The following GRIN2B variants were observed in gnomAD, a reference collection of about 807,000 sequenced individuals.
GRIN2B encodes the protein glutamate receptor ionotropic, NMDA 2B.
A neutral mutation model predicts 114.5 loss-of-function variants in GRIN2B; 5 were observed. The ratio of observed to expected loss-of-function variants is 0.04; its 90% confidence interval spans 0.02 to 0.09. The LOEUF is 0.09. Ranked by LOEUF, GRIN2B falls within the 10% of genes least tolerant of loss-of-function variation. GRIN2B has a pLI of 1.00. For synonymous variants in GRIN2B, 787 were observed against 745.1 expected, an observed-to-expected ratio of 1.06 and a Z score of -0.92; for missense variants, 1,108 against 1,943.5, an observed-to-expected ratio of 0.57 and a Z score of 8.08.
chr12:13,586,986 C>T (rs1304318232), intron 10 of GRIN2B, among the ~76,000 whole-genome samples: 2 of 152,150 alleles, frequency 1.3e-5, no homozygotes, highest in Non-Finnish European at 2.9e-5. Flanking sequence ...GTACGAGACC[C>T]TATTTTAATT....
intron 4 of GRIN2B, among the ~76,000 whole-genome samples, chr12:13,681,389 T>A (rs1376061554): frequency 6.6e-6 from 1 of 152,162 alleles, no homozygotes; most frequent in Admixed American, 6.5e-5. Context: ...GCCACCATGC[T>A]TTTAAAAAGT....
At position 13,978,630 on chromosome 12, in the gene GRIN2B, C is replaced by G. The variant is rs78399804; in HGVS notation, c.-19+1298G>C. Among the ~76,000 whole-genome samples, 457 of 152,286 alleles carry G rather than the reference C, an allele frequency of 3.0e-3. 1 individual carries two copies. The highest frequency in any genetic ancestry group is 0.011 in the African/African-American group (445 of 41,558). On this transcript the variant is annotated intron_variant, in intron 2 of 13. Transcript: ENST00000609686. ...TGTGTGTGTTGGGGTGGTGGTAATA[C>G]TTTTAGGAAAAATAATGATGCTAAT...
chr12:13,795,782 G>A (rs982006011), intron 3 of GRIN2B, among the ~76,000 whole-genome samples: 10 of 152,176 alleles, frequency 6.6e-5, no homozygotes, highest in African/African-American at 2.4e-4. Flanking sequence ...GTCCTTTGTA[G>A]GGACATGGAT....
chr12:13,926,966 A>AG (rs1866929087), intron 2 of GRIN2B, among the ~76,000 whole-genome samples: 1 of 151,594 alleles, frequency 6.6e-6, no homozygotes, highest in Non-Finnish European at 1.5e-5. Context: ...AAAAGAAAAA[A>AG]AAAAAAAGAC....
At chr12:13,825,795 G>T (rs1865025305) in intron 3 of GRIN2B, among the ~76,000 whole-genome samples, 1 of 151,838 alleles carries the variant, frequency 6.6e-6, no homozygotes, top group African/African-American at 2.4e-5. Flanking sequence ...GGAATTACAG[G>T]CATGAGCCAC....
chr12:13,600,454 C>G (rs1368414312), intron 10 of GRIN2B, among the ~76,000 whole-genome samples: 1 of 151,942 alleles, frequency 6.6e-6, no homozygotes, highest in Non-Finnish European at 1.5e-5. Flanking sequence ...ATCCAGTTAT[C>G]TTGGTACCTT....
At chr12:13,660,735 A>T (rs1296248500) in intron 5 of GRIN2B, among the ~76,000 whole-genome samples, 2 of 152,148 alleles carry the variant, frequency 1.3e-5, no homozygotes, top group African/African-American at 4.8e-5. Context: ...GAGACTAAGC[A>T]CTTCCTTTGC....
At chr12:13,800,421 C>T (rs1003034173) in intron 3 of GRIN2B, among the ~76,000 whole-genome samples, 9 of 152,186 alleles carry the variant, frequency 5.9e-5, no homozygotes, top group African/African-American at 2.2e-4. Context: ...GTTTAACTGA[C>T]ATTATCCAAA....
intron 3 of GRIN2B, among the ~76,000 whole-genome samples, chr12:13,771,458 A>G (rs991057850): frequency 5.9e-5 from 9 of 152,210 alleles, no homozygotes; most frequent in Non-Finnish European, 1.2e-4. Context: ...TAATTTCAAA[A>G]CAGAGCAGAA....
At chr12:13,719,700 A>T (rs2268119) in intron 4 of GRIN2B, among the ~76,000 whole-genome samples, 32,470 of 152,028 alleles carry the variant, frequency 0.21, 3,856 homozygotes, top group East Asian at 0.49. Flanking sequence ...CTTTACATTG[A>T]GTCTGTTTCA....
At chr12:13,777,768 T>C (rs1864030890) in intron 3 of GRIN2B, among the ~76,000 whole-genome samples, 1 of 152,180 alleles carries the variant, frequency 6.6e-6, no homozygotes, top group Admixed American at 6.5e-5. Flanking sequence ...TGCTAAGTAT[T>C]TGCCTGCAGC....
chr12:13,730,837 G>A (rs748100883), intron 4 of GRIN2B, among the ~76,000 whole-genome samples: 7 of 152,102 alleles, frequency 4.6e-5, no homozygotes, highest in Admixed American at 3.3e-4. Flanking sequence ...GAAATAAAAG[G>A]TAAGGTTGGC....
rs907195852 is a variant in GRIN2B, at chr12:13,546,486, C to T, written c.*16297G>A. 1 of 152,190 alleles carries T rather than the reference C, an allele frequency of 6.6e-6. No homozygotes were observed. The highest frequency in any genetic ancestry group is 2.4e-5 in the African/African-American group (1 of 41,440). The allele number at this position is 152,190 out of a possible 1,614,324, so 9.4% of individuals were successfully genotyped here. A position where few individuals can be genotyped will look rare whatever the true frequency, so the allele number is the denominator to read the frequency against. ...CAGAGCATCTGGATGTGGGTGTCAT[C>T]GTCTCTTCACCACCAAACCATTCTA... On this transcript the variant is annotated 3_prime_UTR_variant, in exon 14 of 14. Transcript: ENST00000609686.
intron 3 of GRIN2B, among the ~76,000 whole-genome samples, chr12:13,768,627 C>A (rs947893291): frequency 3.9e-5 from 6 of 152,374 alleles, no homozygotes; most frequent in Admixed American, 1.3e-4. Flanking sequence ...GGCTTTCCAA[C>A]TCTAGGCACA....
At chr12:13,832,457 C>T (rs755511396) in intron 3 of GRIN2B, among the ~76,000 whole-genome samples, 2 of 152,208 alleles carry the variant, frequency 1.3e-5, no homozygotes, top group Non-Finnish European at 1.5e-5. Context: ...GTAGAGACCC[C>T]TCATGCCCAC....
chr12:13,965,939 G>C (rs956700710), intron 2 of GRIN2B, among the ~76,000 whole-genome samples: 2 of 152,052 alleles, frequency 1.3e-5, no homozygotes, highest in Non-Finnish European at 2.9e-5. Context: ...TAAGACCTTT[G>C]TTTATCCGAG....
chr12:13,606,520 G>A (rs1591636535), intron 10 of GRIN2B, among the ~76,000 whole-genome samples: 1 of 152,268 alleles, frequency 6.6e-6, no homozygotes, highest in African/African-American at 2.4e-5. Context: ...CCCAAACACT[G>A]GCCATTAGGC....
At chr12:13,729,951 A>T (rs963137942) in intron 4 of GRIN2B, among the ~76,000 whole-genome samples, 1 of 151,662 alleles carries the variant, frequency 6.6e-6, no homozygotes, top group African/African-American at 2.4e-5. Context: ...AATTGTCAGC[A>T]CATGTATCTT....
chr12:13,611,692 CTG>C, intron 9 of GRIN2B, 31 bp downstream of exon 9: 1 of 1,608,836 alleles, frequency 6.2e-7, no homozygotes, highest in Non-Finnish European at 8.5e-7. Flanking sequence ...GAGAAAAAAA[CTG>C]GGGAAGTGCA....
Sources: allele counts gnomAD v4.1 joint callset (sites outside exome capture counted in the v4.1 genomes callset), GRCh38; gene constraint gnomAD v4.1.1; transcripts MANE v1.5; gene names NCBI Gene and HGNC (gene_info 2026-07-23, HGNC 2026-07-21).